PTCD2: variants seen among roughly 807,000 people sequenced by gnomAD.
PTCD2 encodes pentatricopeptide repeat-containing protein 2, mitochondrial.
A neutral mutation model predicts 42.6 loss-of-function variants in PTCD2; 31 were observed. The observed-to-expected ratio is 0.73, with a 90% CI of 0.55 to 0.98. PTCD2 has a LOEUF of 0.98. Ranked by LOEUF, PTCD2 falls within the 50% of genes least tolerant of loss-of-function variation. PTCD2 has a pLI of 0.00. For missense variants in PTCD2, 476 were observed against 454.8 expected, an observed-to-expected ratio of 1.05 and a Z score of -0.42; for synonymous variants, 183 against 170.9, an observed-to-expected ratio of 1.07 and a Z score of -0.55.
Position 72,335,778 on chromosome 5 carries a change from T to C in PTCD2, c.548-16T>C, listed in dbSNP as rs762548960. The C allele has an allele frequency of 2.5e-6, 4 of 1,583,808 alleles. No individual in the cohort carries two copies. In the South Asian group the frequency reaches 4.4e-5, roughly 18 times the overall value. ...GAGGAACTCTAACACTGCGATCCAC[T>C]CTTCACTTTTGGCAGGTGCTTTGCA... On this transcript the variant is annotated splice_polypyrimidine_tract_variant and intron_variant, in intron 5 of 9. Transcript: ENST00000380639.
At position 72,326,655 on chromosome 5, in the gene PTCD2, G is replaced by A. The variant is rs1251031537; in HGVS notation, c.264G>A (p.Lys88=). 2 of 1,614,164 alleles carry A rather than the reference G, an allele frequency of 1.2e-6. No homozygotes were observed. The highest frequency in any genetic ancestry group is 1.7e-6 in the Non-Finnish European group (2 of 1,179,998). ...TGAAAAAGAAACTGACCCAGAACAA[G>A]CTCATCTTGAAGGGGGAGTTGATAA... The part of the protein sequence containing the change: ...RNLKKKLTQN[K]LILKGELITL... The change falls in exon 3 of 10, where the codon AAG becomes AAA. Residue 88 remains lysine, a synonymous_variant. Coordinates refer to ENST00000380639, the MANE Select transcript of PTCD2 (RefSeq NM_024754.5).
intron 7 of PTCD2, among the ~76,000 whole-genome samples, chr5:72,341,998 T>C (rs1290657018): frequency 3.9e-5 from 6 of 152,002 alleles, no homozygotes; most frequent in Non-Finnish European, 7.4e-5. Context: ...TGAGCTGAGA[T>C]TATGCCACTG....
intron 8 of PTCD2, among the ~76,000 whole-genome samples, chr5:72,346,250 G>C (rs1752354786): frequency 6.6e-6 from 1 of 152,220 alleles, no homozygotes; most frequent in Non-Finnish European, 1.5e-5. Context: ...AGACATTTTA[G>C]TTTCAAAGGG....
intron 4 of PTCD2, 112 bp downstream of exon 4, chr5:72,331,487 C>A: frequency 1.2e-6 from 1 of 811,546 alleles, no homozygotes; most frequent in South Asian, 1.5e-5. Flanking sequence ...AGAAAGGCTG[C>A]TGGGGCTGAA....
rs1342942736 is a variant in PTCD2, at chr5:72,360,578, G to A, written c.*2151G>A. The A allele has an allele frequency of 4.6e-5, 7 of 152,042 alleles. No homozygotes were observed. 9.4% of individuals were successfully genotyped at this position (152,042 alleles called of 1,614,324 possible). A position where few individuals can be genotyped will look rare whatever the true frequency, so the allele number is the denominator to read the frequency against. On this transcript the variant is annotated 3_prime_UTR_variant, in exon 10 of 10. Transcript: ENST00000380639. Reference sequence around the variant, plus strand: ...TCCAATAAAACAGTGTTCAGTATAGGTTATGATAGGCATTTCATTCTTTAA... The same window carrying A: ...TCCAATAAAACAGTGTTCAGTATAGATTATGATAGGCATTTCATTCTTTAA...
intron 9 of PTCD2, among the ~76,000 whole-genome samples, chr5:72,356,802 T>C (rs1473660074): frequency 6.6e-6 from 1 of 152,182 alleles, no homozygotes; most frequent in African/African-American, 2.4e-5. Context: ...AAGAAGTGCT[T>C]AAGCTGCTTG....
In PTCD2 at chr5:72,358,332, C is replaced by T. The variant is rs267600678; in HGVS notation, c.1072C>T (p.Pro358Ser). The T allele has an allele frequency of 7.4e-6, 12 of 1,614,054 alleles. No individual in the cohort carries two copies. The highest frequency in any genetic ancestry group is 9.3e-6 in the Non-Finnish European group (11 of 1,179,992). Residue 358 changes from proline (P) to serine (S), a missense_variant, in exon 10 of 10, where the codon CCC (proline) becomes TCC (serine). Pro to Ser is a moderately conservative substitution (Grantham distance 74). Coordinates refer to ENST00000380639, the MANE Select transcript of PTCD2 (RefSeq NM_024754.5). Reference sequence around the variant, plus strand: ...TTTGGATGCTGTGCTCTGCCACACCCCCAGGGACAGGAAATCTCACACGTT... The same window carrying T: ...TTTGGATGCTGTGCTCTGCCACACCTCCAGGGACAGGAAATCTCACACGTT... ...DSLDAVLCHT[P>S]RDRKSHTLLL...
At chr5:72,349,744 G>C (rs886778305) in intron 8 of PTCD2, among the ~76,000 whole-genome samples, 6 of 152,118 alleles carry the variant, frequency 3.9e-5, no homozygotes, top group African/African-American at 1.4e-4. Context: ...GCAATGTGCT[G>C]TACCCTACTT....
intron 3 of PTCD2, among the ~76,000 whole-genome samples, chr5:72,327,664 G>A (rs2112134468): frequency 6.6e-6 from 1 of 152,028 alleles, no homozygotes; most frequent in Non-Finnish European, 1.5e-5. Context: ...GTAGAGAGTG[G>A]GTTTTGCCAT....
At chr5:72,322,079 TAG>T in intron 1 of PTCD2, 91 bp from the exon 2 acceptor site, 1 of 690,840 alleles carries the variant, frequency 1.4e-6, no homozygotes, top group Non-Finnish European at 2.6e-6. Flanking sequence ...TTATCTATAA[TAG>T]ATGTTAGAGG....
rs981020274 is a variant in PTCD2, at chr5:72,363,829, A to C, written c.*5402A>C. ...AAGAAATCCATACAAACTAAGGCCA[A>C]TTGTGGCAAAACTACATGAGACTTG... is the stretch of plus-strand genomic sequence containing the variant. On this transcript the variant is annotated 3_prime_UTR_variant, in exon 10 of 10. Transcript: ENST00000380639. 1 of 152,248 alleles carries C rather than the reference A, an allele frequency of 6.6e-6. No individual in the cohort carries two copies. 9.4% of individuals were successfully genotyped at this position (152,248 alleles called of 1,614,324 possible). A position where few individuals can be genotyped will look rare whatever the true frequency, so the allele number is the denominator to read the frequency against.
intron 9 of PTCD2, among the ~76,000 whole-genome samples, chr5:72,354,168 G>A (rs1191059579): frequency 6.6e-6 from 1 of 152,032 alleles, no homozygotes; most frequent in African/African-American, 2.4e-5. Flanking sequence ...CACTTTGGGA[G>A]GCTGAGGCAG....
chr5:72,363,632 C>A lies in PTCD2; in HGVS notation c.*5205C>A, dbSNP rs959826086. On this transcript the variant is annotated 3_prime_UTR_variant, in exon 10 of 10. Coordinates refer to ENST00000380639, the MANE Select transcript of PTCD2 (RefSeq NM_024754.5). ...TTTTAGAGGGTCATGCCAGCACCCACTGCTGAGGTCTGTAGTCTCTACCAT... is the reference window on the plus strand; with the variant it reads ...TTTTAGAGGGTCATGCCAGCACCCAATGCTGAGGTCTGTAGTCTCTACCAT... The A allele has an allele frequency of 6.6e-6, 1 of 152,224 alleles. No homozygotes were observed. The highest frequency in any genetic ancestry group is 1.5e-5 in the Non-Finnish European group (1 of 68,064). 9.4% of individuals were successfully genotyped at this position (152,224 alleles called of 1,614,324 possible). A position where few individuals can be genotyped will look rare whatever the true frequency, so the allele number is the denominator to read the frequency against.
chr5:72,342,667 T>C (rs1229285401), intron 7 of PTCD2, among the ~76,000 whole-genome samples: 1 of 152,230 alleles, frequency 6.6e-6, no homozygotes, highest in African/African-American at 2.4e-5. Context: ...GCTTTGCACT[T>C]TGTTCTTCAT....
chr5:72,355,105 TC>T (rs1331852396), intron 9 of PTCD2, among the ~76,000 whole-genome samples: 2 of 152,236 alleles, frequency 1.3e-5, no homozygotes, highest in African/African-American at 4.8e-5. Context: ...CTTTTTCAGA[TC>T]TTTTTTTATA....
chr5:72,324,822 CAAAG>C (rs1047955788), intron 2 of PTCD2, among the ~76,000 whole-genome samples: 2 of 151,960 alleles, frequency 1.3e-5, no homozygotes, highest in Non-Finnish European at 2.9e-5. Flanking sequence ...GTCTCACACA[CAAAG>C]AAGGATACTT....
chr5:72,333,846 CA>C (rs1242955552), intron 4 of PTCD2, among the ~76,000 whole-genome samples: 2 of 152,120 alleles, frequency 1.3e-5, no homozygotes, highest in Admixed American at 6.5e-5. Flanking sequence ...TTCAAAACAA[CA>C]TACTGTTTTT....
chr5:72,341,310 C>T (rs1206620840), intron 7 of PTCD2, among the ~76,000 whole-genome samples: 1 of 152,110 alleles, frequency 6.6e-6, no homozygotes, highest in Admixed American at 6.5e-5. Context: ...TCCCAAAGTG[C>T]CGGGATTACA....
At chr5:72,340,539 C>T (rs1027643894) in intron 7 of PTCD2, among the ~76,000 whole-genome samples, 1 of 152,096 alleles carries the variant, frequency 6.6e-6, no homozygotes, top group African/African-American at 2.4e-5. Flanking sequence ...TAGCCATACT[C>T]CCAACTTTTG....
Sources: gnomAD v4.1 joint callset for allele counts (sites outside exome capture counted in the v4.1 genomes callset) on GRCh38, gnomAD v4.1.1 for gene constraint, MANE v1.5 for transcripts, NCBI Gene and HGNC (gene_info 2026-07-23, HGNC 2026-07-21) for gene names.